Variants in KIT observed in about 807,000 individuals in gnomAD.
KIT encodes the protein KIT proto-oncogene, receptor tyrosine kinase.
In KIT, 16 loss-of-function variants were observed where a neutral mutation model predicts 105.7. The ratio of observed to expected loss-of-function variants is 0.15; its 90% confidence interval spans 0.10 to 0.23. The LOEUF (loss-of-function observed/expected upper bound fraction) is 0.23, where lower values mean the gene tolerates loss of function less well. Among genes scored for constraint, KIT ranks in the 10% least tolerant of loss-of-function variants. The pLI is 1.00. For missense variants in KIT, 858 were observed against 1,213.8 expected (o/e 0.71, Z 4.36); for synonymous variants, 438 against 441.1 (o/e 0.99, Z 0.09).
intron 8 of KIT, among the ~76,000 whole-genome samples, chr4:54,724,355 A>G (rs1325966641): frequency 6.6e-6 from 1 of 152,212 alleles, no homozygotes; most frequent in African/African-American, 2.4e-5. Flanking sequence ...ATCACAATTG[A>G]ATAGTTAGTA....
In KIT at chr4:54,728,768, C is replaced by G. The variant is rs527801280; in HGVS notation, c.1991-567C>G. Among the ~76,000 whole-genome samples the G allele has an allele frequency of 5.9e-5, 9 of 152,212 alleles. No homozygotes were observed. In the East Asian group the frequency reaches 1.7e-3, roughly 29 times the overall value. On this transcript the variant is annotated intron_variant, in intron 13 of 20. Transcript: ENST00000288135. ...AATTGTTCATGAGAAAATTTCTTAC[C>G]CAAGTTAATTAGTTGCCTGTTACTT... is the stretch of plus-strand genomic sequence containing the variant.
chr4:54,718,036 T>G (rs1474086017), intron 7 of KIT, among the ~76,000 whole-genome samples: 1 of 152,204 alleles, frequency 6.6e-6, no homozygotes, highest in Non-Finnish European at 1.5e-5. Flanking sequence ...GATTGCTGTT[T>G]AGAACAGGGG....
intron 1 of KIT, among the ~76,000 whole-genome samples, chr4:54,671,062 C>G (rs1001696387): frequency 1.3e-5 from 2 of 152,210 alleles, no homozygotes; most frequent in Non-Finnish European, 2.9e-5. Context: ...TTTCAATGCT[C>G]CTGTTACTGT....
At chr4:54,699,602 T>C in intron 3 of KIT, 28 bp from the exon 4 acceptor site, 1 of 1,613,390 alleles carries the variant, frequency 6.2e-7, no homozygotes, top group Non-Finnish European at 8.5e-7. Context: ...ACAAATTATT[T>C]GAGGGGCCAC....
At chr4:54,712,341 G>T (rs928743508) in intron 7 of KIT, among the ~76,000 whole-genome samples, 2 of 152,146 alleles carry the variant, frequency 1.3e-5, no homozygotes, top group African/African-American at 4.8e-5. Context: ...CTCAGTTTCT[G>T]TATTTATCTC....
Position 54,704,835 on chromosome 4 carries a change from T to A in KIT, c.925+943T>A, listed in dbSNP as rs185214074. 2.0e-5 allele frequency among the ~76,000 whole-genome samples: 3 copies of A among 152,300 alleles called. No homozygotes were observed. The East Asian group carries it at 5.8e-4, about 29-fold the overall frequency. On this transcript the variant is annotated intron_variant, in intron 5 of 20. Transcript: ENST00000288135. ...TAAAGTGATGCGGTATTTGTTTTCATCTCTTTCCCCGCCTCACCAAATTTC... is the reference window on the plus strand; with the variant it reads ...TAAAGTGATGCGGTATTTGTTTTCAACTCTTTCCCCGCCTCACCAAATTTC...
At chr4:54,708,852 C>T (rs1720959743) in intron 6 of KIT, among the ~76,000 whole-genome samples, 1 of 152,196 alleles carries the variant, frequency 6.6e-6, no homozygotes, top group East Asian at 1.9e-4. Flanking sequence ...TCAGTGTACA[C>T]AGCCCTATAT....
intron 1 of KIT, among the ~76,000 whole-genome samples, chr4:54,665,514 C>T (rs4864915): frequency 0.28 from 43,171 of 151,904 alleles, 7,316 homozygotes; most frequent in Admixed American, 0.4. Context: ...TTAAGAGACA[C>T]GAGGAGGATA....
At chr4:54,736,433 T>C (rs2109810486) in intron 17 of KIT, 65 bp from the exon 18 acceptor site, 1 of 1,177,254 alleles carries the variant, frequency 8.5e-7, no homozygotes, top group East Asian at 2.3e-5. Flanking sequence ...TATAAGAATA[T>C]CTTCTGTTCA....
At chr4:54,695,454 T>C in intron 1 of KIT, 58 bp from the exon 2 acceptor site, 2 of 1,583,498 alleles carry the variant, frequency 1.3e-6, no homozygotes, top group South Asian at 1.1e-5. Context: ...TTGGAAGAAG[T>C]GCTTTATTTC....
At chr4:54,703,639 C>T in intron 4 of KIT, 85 bp from the exon 5 acceptor site, 1 of 1,127,414 alleles carries the variant, frequency 8.9e-7, no homozygotes, top group East Asian at 2.5e-5. Flanking sequence ...TTAATTGCTG[C>T]TATTTTTAAT....
chr4:54,684,509 T>G (rs1293736525), intron 1 of KIT, among the ~76,000 whole-genome samples: 1 of 152,162 alleles, frequency 6.6e-6, no homozygotes, highest in Admixed American at 6.5e-5. Flanking sequence ...CTTTCTTTAT[T>G]GCCATCTTCC....
At position 54,696,967 on chromosome 4, in the gene KIT, T is replaced by C. The variant is rs557022607; in HGVS notation, c.337+1186T>C. On this transcript the variant is annotated intron_variant, in intron 2 of 20. Transcript: ENST00000288135. The stretch of plus-strand genomic sequence containing the variant: ...ACAATTGAATAAATGAGGAAAACTG[T>C]TGAATTGGTTAAATCACTCTAACAG... 2.6e-5 allele frequency among the ~76,000 whole-genome samples: 4 copies of C among 152,380 alleles called. No homozygotes were observed. In the South Asian group the frequency reaches 8.3e-4, roughly 32 times the overall value.
chr4:54,667,394 T>C (rs571700719), intron 1 of KIT, among the ~76,000 whole-genome samples: 3 of 152,306 alleles, frequency 2.0e-5, no homozygotes, highest in African/African-American at 4.8e-5. Context: ...CTAGGACCTA[T>C]AGGAAGATGG....
intron 7 of KIT, among the ~76,000 whole-genome samples, chr4:54,717,881 G>T (rs1278263871): frequency 6.6e-6 from 1 of 152,062 alleles, no homozygotes; most frequent in African/African-American, 2.4e-5. Context: ...GTGGCATTGT[G>T]ATGTGTGTAC....
intron 7 of KIT, among the ~76,000 whole-genome samples, chr4:54,717,747 G>T (rs951995272): frequency 1.3e-5 from 2 of 152,096 alleles, no homozygotes; most frequent in African/African-American, 4.8e-5. Flanking sequence ...ATGTTTCCAT[G>T]GGCATTCTGT....
chr4:54,728,182 A>G, intron 13 of KIT, 61 bp downstream of exon 13: 1 of 1,270,666 alleles, frequency 7.9e-7, no homozygotes, highest in Non-Finnish European at 1.1e-6. Context: ...TGACATTTTA[A>G]TATGATTTTG....
intron 1 of KIT, among the ~76,000 whole-genome samples, chr4:54,692,574 T>C (rs1719784794): frequency 1.3e-5 from 2 of 152,194 alleles, no homozygotes; most frequent in South Asian, 2.1e-4. Flanking sequence ...TTAAGAAATA[T>C]TGGGTCAAAT....
At chr4:54,669,376 G>A (rs187053124) in intron 1 of KIT, among the ~76,000 whole-genome samples, 2 of 152,266 alleles carry the variant, frequency 1.3e-5, no homozygotes, top group East Asian at 1.9e-4. Context: ...AAAGAGTCTG[G>A]CCCAGAGCAT....
Sources: gnomAD v4.1 joint callset for allele counts (sites outside exome capture counted in the v4.1 genomes callset) on GRCh38, gnomAD v4.1.1 for gene constraint, MANE v1.5 for transcripts, NCBI Gene and HGNC (gene_info 2026-07-23, HGNC 2026-07-21) for gene names.